Variants in CDC73 observed in about 807,000 individuals in gnomAD.
CDC73 encodes cell division cycle 73, also known as parafibromin.
Under a neutral mutation model 83.7 loss-of-function variants are expected in CDC73, and 21 were observed. That is an observed-to-expected ratio of 0.25 (90% CI 0.18 to 0.36). The LOEUF (loss-of-function observed/expected upper bound fraction) is 0.36. Ranked by LOEUF, CDC73 falls within the 10% of genes least tolerant of loss-of-function variation. The pLI is 1.00. For missense variants in CDC73, 342 were observed against 653.3 expected, an observed-to-expected ratio of 0.52 and a Z score of 5.19; for synonymous variants, 224 against 212.9, an observed-to-expected ratio of 1.05 and a Z score of -0.45.
intron 10 of CDC73, chr1:193,179,657 TC>T (rs1278306811): frequency 3.3e-5 from 5 of 152,304 alleles, no homozygotes; most frequent in Non-Finnish European, 5.9e-5. Flanking sequence ...AAAATAATTT[TC>T]CCCCATATAT....
At chr1:193,126,344 A>G (rs1007943213) in intron 2 of CDC73, among the ~76,000 whole-genome samples, 5 of 152,156 alleles carry the variant, frequency 3.3e-5, no homozygotes, top group Non-Finnish European at 7.4e-5. Context: ...TTGAAAATTT[A>G]TTACTCAGAG....
intron 11 of CDC73, among the ~76,000 whole-genome samples, chr1:193,211,273 C>G (rs1677275316): frequency 6.6e-6 from 1 of 152,206 alleles, no homozygotes; most frequent in Non-Finnish European, 1.5e-5. Context: ...CATCTTAACA[C>G]TATCACTCAC....
intron 2 of CDC73, among the ~76,000 whole-genome samples, chr1:193,128,354 C>T (rs551818070): frequency 5.7e-4 from 87 of 152,024 alleles, no homozygotes; most frequent in Middle Eastern, 3.4e-3. Context: ...AGTGCAGTGG[C>T]AGGATCTTGG....
chr1:193,159,259 C>T (rs1047117307), intron 10 of CDC73, among the ~76,000 whole-genome samples: 2 of 152,186 alleles, frequency 1.3e-5, no homozygotes, highest in Non-Finnish European at 2.9e-5. Context: ...TCAGTTTTCT[C>T]ATCAGAAAGG....
chr1:193,207,974 A>G (rs767434044), intron 11 of CDC73, among the ~76,000 whole-genome samples: 14 of 152,176 alleles, frequency 9.2e-5, no homozygotes, highest in Non-Finnish European at 1.5e-4. Context: ...CTGGTATCTT[A>G]TATTAACTGT....
At chr1:193,138,226 T>G in intron 6 of CDC73, 53 bp downstream of exon 6, 1 of 1,164,220 alleles carries the variant, frequency 8.6e-7, no homozygotes, top group South Asian at 1.2e-5. Context: ...TGTAAAAGTA[T>G]AAGGAAAAGG....
Position 193,130,055 on chromosome 1 carries a change from A to T in CDC73, c.238-119A>T, listed in dbSNP as rs1009349953. On this transcript the variant is annotated intron_variant, in intron 2 of 16. Coordinates refer to ENST00000367435, the MANE Select transcript of CDC73 (RefSeq NM_024529.5). ...AGCCTAGTCATTTTTTACAAATGTGATTTAAAATACGTTTTTTCAAGATAT... is the reference window on the plus strand; with the variant it reads ...AGCCTAGTCATTTTTTACAAATGTGTTTTAAAATACGTTTTTTCAAGATAT... 7.6e-6 allele frequency: 5 copies of T among 660,424 alleles called. No individual in the cohort carries two copies. In the Admixed American group the frequency reaches 9.9e-5, roughly 13 times the overall value. 40.9% of individuals were successfully genotyped at this position (660,424 alleles called of 1,614,324 possible).
rs1391352587 is a variant in CDC73, at chr1:193,204,281, A to G, written c.1030+429A>G. ...TGTGTGTGTGTGTGTGTGTGTGTAT[A>G]TATATATTTTTTTTTTTTCTTTTTT... On this transcript the variant is annotated intron_variant, in intron 11 of 16. Coordinates refer to ENST00000367435, the MANE Select transcript of CDC73 (RefSeq NM_024529.5). Among the ~76,000 whole-genome samples the G allele has an allele frequency of 5.3e-3, 656 of 122,752 alleles. 2 individuals are homozygous for G. The highest frequency in any genetic ancestry group is 0.021 in the African/African-American group (600 of 29,108). 80.5% of individuals were successfully genotyped at this position (122,752 alleles called of 152,430 possible). A position where few individuals can be genotyped will look rare whatever the true frequency, so the allele number is the denominator to read the frequency against.
rs756892614 is a variant in CDC73 at position 193,152,455 on chromosome 1, T to TTGG, written c.972+12_972+14dup. The TTGG allele has an allele frequency of 6.3e-7, 1 of 1,582,938 alleles. No individual in the cohort carries two copies. Among genetic ancestry groups the TTGG allele is most frequent in the African/African-American group, 1.3e-5 (1 of 74,346 alleles). On this transcript the variant is annotated intron_variant, in intron 10 of 16. Coordinates refer to ENST00000367435, the MANE Select transcript of CDC73 (RefSeq NM_024529.5). ...CTGAAATCTGTAACGGTAAGTTAAT[T>TTGG]TGGCTGTAGATGTTCTTTTGTTCCA...
Position 193,250,845 on chromosome 1 carries a change from T to C in CDC73, c.*133T>C. ...GATGCTTTGTGCTTCAAGGAGATGA[T>C]ACCTGTCATCCATATAAGCAAACTT... On this transcript the variant is annotated 3_prime_UTR_variant, in exon 17 of 17. Coordinates refer to ENST00000367435, the MANE Select transcript of CDC73 (RefSeq NM_024529.5). The C allele has an allele frequency of 1.2e-6, 1 of 816,150 alleles. No individual in the cohort carries two copies. Among genetic ancestry groups the C allele is most frequent in the Non-Finnish European group, 2.1e-6 (1 of 483,846 alleles). 50.6% of individuals were successfully genotyped at this position (816,150 alleles called of 1,614,324 possible).
chr1:193,147,854 AT>A lies in CDC73; in HGVS notation c.730-10del. 1 of 1,452,338 alleles carries A rather than the reference AT, an allele frequency of 6.9e-7. No homozygotes were observed. Among genetic ancestry groups the A allele is most frequent in the Non-Finnish European group, 9.6e-7 (1 of 1,040,324 alleles). 90.0% of individuals were successfully genotyped at this position (1,452,338 alleles called of 1,614,324 possible). A position where few individuals can be genotyped will look rare whatever the true frequency, so the allele number is the denominator to read the frequency against. On this transcript the variant is annotated splice_polypyrimidine_tract_variant and intron_variant, in intron 7 of 16. Transcript: ENST00000367435. ...TTTAAAGTGGGCTTAATTAAAATCC[AT>A]TTATATTTTAGAATTTTTCCAAGAA... is the stretch of plus-strand genomic sequence containing the variant.
rs1047140630 is a variant in CDC73, at chr1:193,233,254, T to TA, written c.1316+100_1316+101insA. ...TGACGTTGCTTTTTAAGAGATGGGG[T>TA]CTCACTATGTTGCCTAGGCAGAACT... is the stretch of plus-strand genomic sequence containing the variant. On this transcript the variant is annotated intron_variant, in intron 14 of 16. Coordinates refer to ENST00000367435, the MANE Select transcript of CDC73 (RefSeq NM_024529.5). 2.4e-5 allele frequency: 26 copies of TA among 1,071,540 alleles called. No individual in the cohort carries two copies. In the African/African-American group the frequency reaches 4.1e-4, roughly 17 times the overall value. 66.4% of individuals were successfully genotyped at this position (1,071,540 alleles called of 1,614,324 possible).
chr1:193,230,179 CACTCTGTCCCCCAGGCTGG>C (rs1469663528), intron 13 of CDC73, among the ~76,000 whole-genome samples: 4 of 147,538 alleles, frequency 2.7e-5, no homozygotes, highest in African/African-American at 1.0e-4. Context: ...GGCAGAGTCT[CACTCTGTCCCCCAGGCTGG>C]AGGGCAGTGG....
rs528542889 is a variant in CDC73 at position 193,246,445 on chromosome 1, C to G, written c.1418-3285C>G. ...TATTTAGAAAAACCTGAAGACTTTACCAAAAATACTCTTAGAACTGGTAAA... is the reference window on the plus strand; with the variant it reads ...TATTTAGAAAAACCTGAAGACTTTAGCAAAAATACTCTTAGAACTGGTAAA... On this transcript the variant is annotated intron_variant, in intron 15 of 16. Transcript: ENST00000367435. Among the ~76,000 whole-genome samples the G allele has an allele frequency of 3.3e-5, 5 of 152,080 alleles. No individual in the cohort carries two copies. In the South Asian group the frequency reaches 1.0e-3, roughly 32 times the overall value.
intron 7 of CDC73, among the ~76,000 whole-genome samples, chr1:193,146,203 G>C (rs890218052): frequency 1.1e-4 from 17 of 152,144 alleles, no homozygotes; most frequent in African/African-American, 4.1e-4. Flanking sequence ...GTTTGGCTTA[G>C]AGTAGATTCT....
Position 193,251,478 on chromosome 1 carries a change from G to C in CDC73, c.*766G>C, listed in dbSNP as rs955328690. 1 of 231,926 alleles carries C rather than the reference G, an allele frequency of 4.3e-6. No individual in the cohort carries two copies. The highest frequency in any genetic ancestry group is 2.2e-5 in the African/African-American group (1 of 45,252). The allele number at this position is 231,926 out of a possible 1,614,324, so 14.4% of individuals were successfully genotyped here. A position where few individuals can be genotyped will look rare whatever the true frequency, so the allele number is the denominator to read the frequency against. On this transcript the variant is annotated 3_prime_UTR_variant, in exon 17 of 17. Coordinates refer to ENST00000367435, the MANE Select transcript of CDC73 (RefSeq NM_024529.5). The stretch of plus-strand genomic sequence containing the variant: ...GGAGCCAGAGTATGATTTGGGGGAA[G>C]AATATGTATCAGCCCTATTGCAGTA...
At chr1:193,129,086 C>T (rs1003424177) in intron 2 of CDC73, among the ~76,000 whole-genome samples, 20 of 151,568 alleles carry the variant, frequency 1.3e-4, no homozygotes, top group East Asian at 1.9e-4. Context: ...CAACCTCTGC[C>T]GCCCAGGTTC....
intron 13 of CDC73, among the ~76,000 whole-genome samples, chr1:193,214,765 A>G (rs564402411): frequency 6.6e-6 from 1 of 152,200 alleles, no homozygotes; most frequent in South Asian, 2.1e-4. Flanking sequence ...GGCCACTTAG[A>G]TTGTTTGCAG....
chr1:193,237,549 A>T (rs956065626), intron 15 of CDC73, among the ~76,000 whole-genome samples: 1 of 152,154 alleles, frequency 6.6e-6, no homozygotes, highest in African/African-American at 2.4e-5. Flanking sequence ...TAGTTTACTT[A>T]GGCCTCCCAG....
Sources: allele counts gnomAD v4.1 joint callset (sites outside exome capture counted in the v4.1 genomes callset), GRCh38; gene constraint gnomAD v4.1.1; transcripts MANE v1.5; gene names NCBI Gene and HGNC (gene_info 2026-07-23, HGNC 2026-07-21).